The following EPB41 variants were observed in gnomAD, a reference collection of about 807,000 sequenced individuals.
The protein encoded by EPB41 is erythrocyte membrane protein band 4.1, also known as protein 4.1.
EPB41 carries 65 observed loss-of-function variants against 108.0 expected under a neutral mutation model. The ratio of observed to expected loss-of-function variants is 0.60; its 90% CI spans 0.49 to 0.74. The LOEUF is 0.74. Ranked by LOEUF, EPB41 falls within the 30% of genes least tolerant of loss-of-function variation. The pLI is 0.00. For missense variants in EPB41, 875 were observed against 1,037.0 expected (o/e 0.84, Z 2.15); for synonymous variants, 336 against 358.9 (o/e 0.94, Z 0.72).
At position 29,119,068 on chromosome 1, in the gene EPB41, G is replaced by A. The variant is rs1031416311; in HGVS notation, c.*2256G>A. The A allele has an allele frequency of 1.3e-5, 2 of 152,218 alleles. No homozygotes were observed. The highest frequency in any genetic ancestry group is 6.5e-5 in the Admixed American group (1 of 15,276). 9.4% of individuals were successfully genotyped at this position (152,218 alleles called of 1,614,324 possible). A position where few individuals can be genotyped will look rare whatever the true frequency, so the allele number is the denominator to read the frequency against. On this transcript the variant is annotated 3_prime_UTR_variant, in exon 21 of 21. Transcript: ENST00000343067. The stretch of plus-strand genomic sequence containing the variant: ...TCACAGCACAGGACCGTTCATCGGG[G>A]GCCTAAACGTTTCCCTCAGCTCTGT...
At chr1:28,973,140 C>A (rs1571712096) in intron 1 of EPB41, among the ~76,000 whole-genome samples, 2 of 152,086 alleles carry the variant, frequency 1.3e-5, no homozygotes, top group East Asian at 3.9e-4. Context: ...AGTTTTGAAA[C>A]CTTCATACTT....
intron 1 of EPB41, among the ~76,000 whole-genome samples, chr1:28,959,957 C>T (rs943959957): frequency 1.3e-5 from 2 of 151,046 alleles, no homozygotes; most frequent in Non-Finnish European, 2.9e-5. Context: ...GCTGGGATTA[C>T]AGGCGTGAGC....
chr1:29,116,175 G>A (rs1316824301), intron 20 of EPB41, among the ~76,000 whole-genome samples: 5 of 124,458 alleles, frequency 4.0e-5, no homozygotes, highest in East Asian at 4.4e-4. Context: ...TTTTTGAGAC[G>A]GAGTCTCATT....
At chr1:29,103,493 T>C (rs971714728) in intron 17 of EPB41, among the ~76,000 whole-genome samples, 3 of 152,232 alleles carry the variant, frequency 2.0e-5, no homozygotes, top group Non-Finnish European at 2.9e-5. Flanking sequence ...TTTTCTCTTC[T>C]GAAAAATACT....
In EPB41 at chr1:29,087,220, T is replaced by C. The variant is rs1272393579; in HGVS notation, c.2185-10587T>C. ...CCTCCCAAAGTGCTGGGATTACAGG[T>C]GTGAGCCACCGTGCCCAGCCAACTG... is the stretch of plus-strand genomic sequence containing the variant. On this transcript the variant is annotated intron_variant, in intron 16 of 20. Transcript: ENST00000343067. Among the ~76,000 whole-genome samples the C allele has an allele frequency of 5.3e-5, 8 of 150,110 alleles. No homozygotes were observed. In the East Asian group the frequency reaches 1.0e-3, roughly 19 times the overall value.
intron 1 of EPB41, among the ~76,000 whole-genome samples, chr1:28,973,187 G>A (rs976656847): frequency 3.9e-5 from 6 of 152,028 alleles, no homozygotes; most frequent in African/African-American, 1.4e-4. Flanking sequence ...AATGTCACTA[G>A]TTTCTGTCCT....
chr1:28,940,342 T>C (rs1231455670), intron 1 of EPB41, among the ~76,000 whole-genome samples: 1 of 152,182 alleles, frequency 6.6e-6, no homozygotes, highest in Non-Finnish European at 1.5e-5. Context: ...TTTGATATTA[T>C]GTTTGATAGG....
intron 1 of EPB41, among the ~76,000 whole-genome samples, chr1:28,890,581 G>C (rs577611952): frequency 6.6e-6 from 1 of 152,162 alleles, no homozygotes; most frequent in East Asian, 1.9e-4. Context: ...TGAGTATGAC[G>C]GGCCCACAAG....
intron 16 of EPB41, among the ~76,000 whole-genome samples, chr1:29,095,216 G>A (rs754608449): frequency 4.6e-5 from 7 of 152,140 alleles, no homozygotes; most frequent in Non-Finnish European, 8.8e-5. Context: ...TTGTGTTTCC[G>A]GAATTTATTT....
intron 1 of EPB41, among the ~76,000 whole-genome samples, chr1:28,926,103 G>A (rs1195622551): frequency 1.3e-5 from 2 of 151,778 alleles, no homozygotes; most frequent in Non-Finnish European, 2.9e-5. Flanking sequence ...CCAGCACTTT[G>A]GGAGGCCGAG....
chr1:29,109,295 T>C (rs770080754), intron 17 of EPB41, 41 bp from the exon 18 acceptor site: 2 of 1,507,396 alleles, frequency 1.3e-6, no homozygotes, highest in East Asian at 2.3e-5. Flanking sequence ...TTGCCCAGTC[T>C]TCCTGAGAGG....
chr1:29,077,321 A>G (rs895820008), intron 16 of EPB41, among the ~76,000 whole-genome samples: 5 of 152,086 alleles, frequency 3.3e-5, no homozygotes, highest in Non-Finnish European at 7.4e-5. Context: ...CTGTACTCCC[A>G]GCTACTCGGG....
At chr1:29,056,278 CAA>C (rs549272078) in intron 12 of EPB41, among the ~76,000 whole-genome samples, 6 of 142,402 alleles carry the variant, frequency 4.2e-5, no homozygotes, top group African/African-American at 1.5e-4. Flanking sequence ...CAAAACAAAA[CAA>C]AAAAAAAACT....
chr1:29,011,982 G>A, intron 5 of EPB41, 75 bp downstream of exon 5: 1 of 1,521,302 alleles, frequency 6.6e-7, no homozygotes, highest in Non-Finnish European at 9.1e-7. Flanking sequence ...ATTTCTGGCT[G>A]TGAGTCAGTC....
At position 29,117,987 on chromosome 1, in the gene EPB41, G is replaced by A. The variant is rs986153468; in HGVS notation, c.*1175G>A. ...CCCTGCTCATTCCCACTCACCAGCT[G>A]AGGTCTGTCAGGTTTTGAAGGCTTG... On this transcript the variant is annotated 3_prime_UTR_variant, in exon 21 of 21. Coordinates refer to ENST00000343067, the MANE Select transcript of EPB41 (RefSeq NM_001376013.1). 1 of 152,420 alleles carries A rather than the reference G, an allele frequency of 6.6e-6. No individual in the cohort carries two copies. The highest frequency in any genetic ancestry group is 2.4e-5 in the African/African-American group (1 of 41,444). The allele number at this position is 152,420 out of a possible 1,614,324, so 9.4% of individuals were successfully genotyped here.
At chr1:28,908,817 G>A (rs1276553550) in intron 1 of EPB41, among the ~76,000 whole-genome samples, 1 of 151,828 alleles carries the variant, frequency 6.6e-6, no homozygotes, top group African/African-American at 2.4e-5. Context: ...CCGCTTGCTA[G>A]CTTTGTTAAA....
chr1:29,115,576 G>C lies in EPB41; in HGVS notation c.2497-123G>C. On this transcript the variant is annotated intron_variant, in intron 19 of 20. Transcript: ENST00000343067. The surrounding 1 kb of genome is among the most constrained non-coding windows in gnomAD (Gnocchi z 4.4). The stretch of plus-strand genomic sequence containing the variant: ...AATTATCAGCTTGGCTTAGCCTAAA[G>C]CTGCCCTGGTACTGCAGACAGGAGT... 1 of 830,176 alleles carries C rather than the reference G, an allele frequency of 1.2e-6. No individual in the cohort carries two copies. The highest frequency in any genetic ancestry group is 1.4e-5 in the South Asian group (1 of 69,356). 51.4% of individuals were successfully genotyped at this position (830,176 alleles called of 1,614,324 possible). A position where few individuals can be genotyped will look rare whatever the true frequency, so the allele number is the denominator to read the frequency against.
chr1:28,940,116 G>A (rs1453372478), intron 1 of EPB41, among the ~76,000 whole-genome samples: 1 of 152,166 alleles, frequency 6.6e-6, no homozygotes, highest in African/African-American at 2.4e-5. Flanking sequence ...TTGATAGGAG[G>A]AGTTGTTGGT....
intron 1 of EPB41, among the ~76,000 whole-genome samples, chr1:28,925,184 C>T (rs977268764): frequency 6.6e-5 from 10 of 152,056 alleles, no homozygotes; most frequent in Non-Finnish European, 1.3e-4. Context: ...AGGCTGGTCC[C>T]GAACTCCTGA....
Sources: allele counts gnomAD v4.1 joint callset (sites outside exome capture counted in the v4.1 genomes callset), GRCh38; gene constraint gnomAD v4.1.1; non-coding constraint Gnocchi (gnomAD v3.1); transcripts MANE v1.5; gene names NCBI Gene and HGNC (gene_info 2026-07-23, HGNC 2026-07-21).